GTPBP4: variants seen among roughly 807,000 people sequenced by gnomAD.
GTPBP4 encodes the protein GTP binding protein 4.
In GTPBP4, 15 loss-of-function variants were observed where a neutral mutation model predicts 81.7. The observed-to-expected ratio is 0.18, with a 90% confidence interval of 0.12 to 0.28. GTPBP4 has a LOEUF of 0.28. Among genes scored for constraint, GTPBP4 ranks in the 10% least tolerant of loss-of-function variants. GTPBP4 has a pLI of 1.00. For missense variants in GTPBP4, 847 were observed against 793.8 expected, an observed-to-expected ratio of 1.07 and a Z score of -0.81; for synonymous variants, 272 against 274.6, an observed-to-expected ratio of 0.99 and a Z score of 0.09.
intron 1 of GTPBP4, among the ~76,000 whole-genome samples, chr10:991,207 A>T (rs1341405353): frequency 6.6e-6 from 1 of 152,160 alleles, no homozygotes; most frequent in Non-Finnish European, 1.5e-5. Context: ...CTGTCACTGG[A>T]CCCTGAATTC....
At chr10:1,004,281 C>T (rs2132164925) in intron 8 of GTPBP4, among the ~76,000 whole-genome samples, 1 of 152,172 alleles carries the variant, frequency 6.6e-6, no homozygotes, top group East Asian at 1.9e-4. Context: ...TCATTTGGGC[C>T]CTAGAGGACA....
In GTPBP4 at chr10:1,017,166, A is replaced by T; in HGVS notation, c.1844A>T (p.Asp615Val). The change falls in exon 17 of 17, where the codon GAT becomes GTT. Residue 615 changes from aspartate to valine, a missense_variant. Transcript: ENST00000360803. ...KKGEADRHVF[D>V]MKPKHLLSGK... is the part of the protein sequence containing the mutation. ...GGGGAGGCGGATAGACACGTGTTTGATATGAAGCCCAAGCACTTGCTGTCT... is the reference window on the plus strand; with the variant it reads ...GGGGAGGCGGATAGACACGTGTTTGTTATGAAGCCCAAGCACTTGCTGTCT... 6.2e-7 allele frequency: 1 copy of T among 1,613,900 alleles called. No homozygotes were observed. Among genetic ancestry groups the T allele is most frequent in the Non-Finnish European group, 8.5e-7 (1 of 1,179,740 alleles).
At chr10:999,155 G>T (rs1831581839) in intron 6 of GTPBP4, 60 bp downstream of exon 6, 4 of 982,072 alleles carry the variant, frequency 4.1e-6, no homozygotes, top group Non-Finnish European at 6.5e-6. Flanking sequence ...TTTCACTCTT[G>T]TTGCCCAGGC....
chr10:1,008,016 T>C (rs757445196), intron 10 of GTPBP4: 4 of 504,980 alleles, frequency 7.9e-6, no homozygotes, highest in South Asian at 4.3e-5. Context: ...TCAAATGTGC[T>C]GTACATTTTT....
Position 1,006,056 on chromosome 10 carries a change from C to G in GTPBP4, c.1002+149C>G, listed in dbSNP as rs12242861. 0.012 allele frequency: 6,786 copies of G among 564,088 alleles called. 350 individuals carry two copies. The highest frequency in any genetic ancestry group is 0.12 in the African/African-American group (6,082 of 52,224). 34.9% of individuals were successfully genotyped at this position (564,088 alleles called of 1,614,324 possible). On this transcript the variant is annotated intron_variant, in intron 9 of 16. Coordinates refer to ENST00000360803, the MANE Select transcript of GTPBP4 (RefSeq NM_012341.3). ...AGGCGGGTGGCGTGCGAGAGTGGGG[C>G]GTGAAGACAGACCCTTCTAAGACCC...
chr10:1,004,852 T>C (rs1831696478), intron 8 of GTPBP4, among the ~76,000 whole-genome samples: 1 of 152,106 alleles, frequency 6.6e-6, no homozygotes, highest in African/African-American at 2.4e-5. Flanking sequence ...CTGTGGCCAC[T>C]TCCCCTGAGC....
rs777452536 is a variant in GTPBP4 at position 992,689 on chromosome 10, T to C, written c.219+30T>C. The C allele has an allele frequency of 7.1e-6, 10 of 1,407,798 alleles. No individual in the cohort carries two copies. The South Asian group carries it at 1.1e-4, about 15-fold the overall frequency. 87.2% of individuals were successfully genotyped at this position (1,407,798 alleles called of 1,614,324 possible). On this transcript the variant is annotated intron_variant, in intron 2 of 16. Transcript: ENST00000360803. ...GTGACTTAGGGGACTTCTGTGGTTATGTAAATACGGGCTTTCAGAGAACCA... is the reference window on the plus strand; with the variant it reads ...GTGACTTAGGGGACTTCTGTGGTTACGTAAATACGGGCTTTCAGAGAACCA...
chr10:1,013,783 T>A (rs1443391203), intron 14 of GTPBP4, among the ~76,000 whole-genome samples: 2 of 152,154 alleles, frequency 1.3e-5, no homozygotes, highest in African/African-American at 4.8e-5. Flanking sequence ...TCAGGATGCC[T>A]CTCAGTGGGT....
Position 1,000,827 on chromosome 10 carries a change from C to A in GTPBP4, c.805C>A (p.Leu269Ile). The change falls in exon 7 of 17, where the codon CTA becomes ATA. Residue 269 changes from leucine to isoleucine, a missense_variant. By Grantham distance (5) the Leu-to-Ile change is conservative. Coordinates refer to ENST00000360803, the MANE Select transcript of GTPBP4 (RefSeq NM_012341.3). Reference protein sequence around the residue: ...EQCGHGLREQLELFQNIRPLF... With the variant: ...EQCGHGLREQIELFQNIRPLF... ...GTGTGGGCATGGGCTGAGGGAGCAG[C>A]TAGAACTCTTCCAGAACATCAGACC... 6.2e-7 allele frequency: 1 copy of A among 1,610,794 alleles called. No individual in the cohort carries two copies. Among genetic ancestry groups the A allele is most frequent in the South Asian group, 1.1e-5 (1 of 90,474 alleles).
intron 13 of GTPBP4, among the ~76,000 whole-genome samples, chr10:1,011,033 ATGGG>A (rs1196165515): frequency 1.0e-3 from 58 of 57,888 alleles, no homozygotes; most frequent in Admixed American, 3.9e-3. Flanking sequence ...CAGGCCCTGG[ATGGG>A]CTCTGCTGTG....
intron 13 of GTPBP4, among the ~76,000 whole-genome samples, chr10:1,011,236 T>C (rs1046084190): frequency 9.9e-5 from 15 of 151,680 alleles, no homozygotes; most frequent in African/African-American, 3.6e-4. Flanking sequence ...TCTGCTGTGC[T>C]GGACCCTCTT....
At chr10:1,015,078 A>G (rs1460931182) in intron 15 of GTPBP4, among the ~76,000 whole-genome samples, 1 of 152,240 alleles carries the variant, frequency 6.6e-6, no homozygotes, top group African/African-American at 2.4e-5. Flanking sequence ...TGAAATATAA[A>G]TTGTGATGCT....
chr10:998,874 G>A (rs1370770866), intron 5 of GTPBP4, 129 bp from the exon 6 acceptor site: 15 of 640,440 alleles, frequency 2.3e-5, no homozygotes, highest in East Asian at 1.9e-4. Context: ...GCTCCTATTC[G>A]ATGCAGTTTT....
chr10:1,015,717 T>G, intron 15 of GTPBP4, 36 bp from the exon 16 acceptor site: 1 of 1,571,998 alleles, frequency 6.4e-7, no homozygotes, highest in Non-Finnish European at 8.7e-7. Flanking sequence ...GGACCTGGGG[T>G]CCTGAGCGCT....
Position 1,019,405 on chromosome 10 carries a change from G to A in GTPBP4, c.*2178G>A. 8 of 702,346 alleles carry A rather than the reference G, an allele frequency of 1.1e-5. No homozygotes were observed. Among genetic ancestry groups the A allele is most frequent in the Non-Finnish European group, 1.9e-5 (8 of 425,186 alleles). The allele number at this position is 702,346 out of a possible 1,614,324, so 43.5% of individuals were successfully genotyped here. A position where few individuals can be genotyped will look rare whatever the true frequency, so the allele number is the denominator to read the frequency against. On this transcript the variant is annotated 3_prime_UTR_variant, in exon 17 of 17. Coordinates refer to ENST00000360803, the MANE Select transcript of GTPBP4 (RefSeq NM_012341.3). ...TGAAATAGTGATTTATACATGATGG[G>A]CAATCAAGTGCCCCTTTTGCCCTGT... is the stretch of plus-strand genomic sequence containing the variant.
chr10:1,013,868 C>G (rs1273757902), intron 14 of GTPBP4, among the ~76,000 whole-genome samples: 3 of 152,188 alleles, frequency 2.0e-5, no homozygotes, highest in Non-Finnish European at 4.4e-5. Flanking sequence ...TTTTGTACTT[C>G]TCCAGGTGGG....
chr10:1,002,884 T>C lies in GTPBP4; in HGVS notation c.912+1871T>C, dbSNP rs79777100. On this transcript the variant is annotated intron_variant, in intron 8 of 16. Coordinates refer to ENST00000360803, the MANE Select transcript of GTPBP4 (RefSeq NM_012341.3). Reference sequence around the variant, plus strand: ...TTTGACAGTTTGACTATAATGTGCCTTGGGGAAGACCTTTCTGGGCTGACT... The same window carrying C: ...TTTGACAGTTTGACTATAATGTGCCCTGGGGAAGACCTTTCTGGGCTGACT... Among the ~76,000 whole-genome samples the C allele has an allele frequency of 3.1e-3, 467 of 152,332 alleles. 2 individuals carry two copies. Among genetic ancestry groups the C allele is most frequent in the African/African-American group, 0.01 (420 of 41,570 alleles).
In GTPBP4 at chr10:999,073, A is replaced by T; in HGVS notation, c.632A>T (p.Asp211Val). 1 of 1,588,414 alleles carries T rather than the reference A, an allele frequency of 6.3e-7. No homozygotes were observed. Among genetic ancestry groups the T allele is most frequent in the Non-Finnish European group, 8.6e-7 (1 of 1,156,556 alleles). The change falls in exon 6 of 17, where the codon GAT becomes GTT. Residue 211 changes from aspartate to valine, a missense_variant. Transcript: ENST00000360803. ...AAGTCTCTGTTTGTTGGGCACATGG[A>T]TTATAAGTATCTACGTTGGCAGGTG... ...TTKSLFVGHMDYKYLRWQVVD... is the reference protein window; with the variant it reads ...TTKSLFVGHMVYKYLRWQVVD...
chr10:998,057 A>T (rs1327871643), intron 5 of GTPBP4, among the ~76,000 whole-genome samples: 1 of 152,094 alleles, frequency 6.6e-6, no homozygotes, highest in Non-Finnish European at 1.5e-5. Flanking sequence ...CAGTGCCAAG[A>T]TCACTTTATT....
Sources: allele counts gnomAD v4.1 joint callset (sites outside exome capture counted in the v4.1 genomes callset), GRCh38; gene constraint gnomAD v4.1.1; transcripts MANE v1.5; gene names NCBI Gene and HGNC (gene_info 2026-07-23, HGNC 2026-07-21).